Variants in VPS13C observed in about 807,000 individuals in gnomAD.
VPS13C encodes the protein vacuolar protein sorting 13 homolog C, also known as intermembrane lipid transfer protein VPS13C.
A neutral mutation model predicts 456.8 loss-of-function variants in VPS13C; 358 were observed. The ratio of observed to expected loss-of-function variants is 0.78; its 90% confidence interval spans 0.72 to 0.86. The LOEUF (loss-of-function observed/expected upper bound fraction) is 0.86, where lower values mean the gene tolerates loss of function less well. VPS13C is among the 40% of genes least tolerant of loss of function. The pLI is 0.00. For missense variants in VPS13C, 4,818 were observed against 4,385.4 expected (o/e 1.10, Z -2.79); for synonymous variants, 1,578 against 1,486.7 (o/e 1.06, Z -1.41).
chr15:61,952,881 TA>T (rs895144442), intron 38 of VPS13C, among the ~76,000 whole-genome samples: 35 of 149,238 alleles, frequency 2.3e-4, no homozygotes, highest in East Asian at 9.8e-4. Flanking sequence ...ACTGACTAAT[TA>T]AAAAAAAAAT....
chr15:62,017,255 A>C lies in VPS13C; in HGVS notation c.684+3224T>G, dbSNP rs1465313300. Among the ~76,000 whole-genome samples, 23 of 152,210 alleles carry C rather than the reference A, an allele frequency of 1.5e-4. No individual in the cohort carries two copies. The East Asian group carries it at 3.1e-3, about 20-fold the overall frequency. On this transcript the variant is annotated intron_variant, in intron 9 of 84. Coordinates refer to ENST00000644861, the MANE Select transcript of VPS13C (RefSeq NM_020821.3). ...TAGGTTGCCTATTCACTCTGATGAT[A>C]GTTTCTTTTGCTGTGCAGAAGCTCT...
intron 16 of VPS13C, among the ~76,000 whole-genome samples, chr15:61,998,016 G>A (rs752918550): frequency 5.3e-5 from 8 of 152,172 alleles, no homozygotes; most frequent in South Asian, 4.2e-4. Context: ...CAACTCCCAC[G>A]AGCAGCCCTC....
At chr15:62,018,106 A>G (rs1448064946) in intron 9 of VPS13C, among the ~76,000 whole-genome samples, 2 of 152,058 alleles carry the variant, frequency 1.3e-5, no homozygotes, top group African/African-American at 4.8e-5. Context: ...TTGGTGTATA[A>G]GAATGCTTGT....
chr15:61,903,854 A>G (rs192817465), intron 66 of VPS13C, among the ~76,000 whole-genome samples: 22 of 152,300 alleles, frequency 1.4e-4, no homozygotes, highest in Admixed American at 1.4e-3. Flanking sequence ...CATCTTCAAC[A>G]AAGGCGGCAA....
At chr15:61,982,699 C>A in intron 20 of VPS13C, 126 bp from the exon 21 acceptor site, 1 of 604,298 alleles carries the variant, frequency 1.7e-6, no homozygotes, top group Non-Finnish European at 2.8e-6. Context: ...GATATTCTGT[C>A]CTACTACATC....
At chr15:61,898,574 C>G (rs1173297396) in intron 66 of VPS13C, among the ~76,000 whole-genome samples, 1 of 151,788 alleles carries the variant, frequency 6.6e-6, no homozygotes, top group Non-Finnish European at 1.5e-5. Context: ...ATATATGCAC[C>G]CAACACAGGA....
chr15:61,860,646 T>C (rs1566952007), intron 82 of VPS13C, among the ~76,000 whole-genome samples: 1 of 152,192 alleles, frequency 6.6e-6, no homozygotes, highest in Non-Finnish European at 1.5e-5. Flanking sequence ...TGTCAAAGAA[T>C]ATTTAATGCT....
intron 74 of VPS13C, among the ~76,000 whole-genome samples, chr15:61,878,192 A>G (rs1435638418): frequency 6.6e-6 from 1 of 150,942 alleles, no homozygotes; most frequent in Non-Finnish European, 1.5e-5. Flanking sequence ...AATGATCTAC[A>G]GGGAATTTTT....
intron 53 of VPS13C, among the ~76,000 whole-genome samples, chr15:61,923,291 C>T (rs2043722929): frequency 1.3e-5 from 2 of 151,926 alleles, no homozygotes; most frequent in Admixed American, 1.3e-4. Context: ...CTTTGACTTA[C>T]CCCAAGATCT....
chr15:62,006,100 ATT>A (rs35752161), intron 15 of VPS13C, among the ~76,000 whole-genome samples: 2 of 113,028 alleles, frequency 1.8e-5, no homozygotes, highest in Non-Finnish European at 2.0e-5. Context: ...AGAAATTCTT[ATT>A]TTTTTTTTAT....
At chr15:61,893,008 A>C (rs904391473) in intron 66 of VPS13C, among the ~76,000 whole-genome samples, 1 of 152,230 alleles carries the variant, frequency 6.6e-6, no homozygotes, top group Non-Finnish European at 1.5e-5. Context: ...AAAAGAGCAA[A>C]TCTAAGAGTC....
At chr15:61,929,051 A>G (rs1042863500) in intron 51 of VPS13C, among the ~76,000 whole-genome samples, 7 of 152,198 alleles carry the variant, frequency 4.6e-5, no homozygotes, top group African/African-American at 1.7e-4. Context: ...TAGACCAGAC[A>G]TTTGCAAACT....
chr15:61,929,070 G>T (rs1176021554), intron 51 of VPS13C, among the ~76,000 whole-genome samples: 1 of 152,192 alleles, frequency 6.6e-6, no homozygotes, highest in African/African-American at 2.4e-5. Flanking sequence ...CTCTTCCACA[G>T]AGTTTAAGGA....
At chr15:61,868,034 G>T (rs965943058) in intron 81 of VPS13C, 4 of 905,500 alleles carry the variant, frequency 4.4e-6, no homozygotes, top group Non-Finnish European at 3.5e-6. Flanking sequence ...AAAACCAAAG[G>T]AAGAACAATT....
Position 61,917,420 on chromosome 15 carries a change from T to A in VPS13C, c.7976A>T (p.Asp2659Val). The change falls in exon 60 of 85, where the codon GAT (aspartate) becomes GTT (valine). Residue 2659 changes from aspartate (D) to valine (V), a missense_variant. Physicochemically the swap from Asp to Val is radical, Grantham distance 152. Around this residue, in one of 3 missense-constraint regions of VPS13C, gnomAD observed 4,552 missense variants for 4,130.6 expected, o/e 1.10. Coordinates refer to ENST00000644861, the MANE Select transcript of VPS13C (RefSeq NM_020821.3). ...SYICTHGEDW[D>V]VAYIIHLYPS... ...ATAAAGATGAATAATGTAAGCTACA[T>A]CCCAGTCTTCCCCATGTGTACATAT... The A allele has an allele frequency of 6.2e-7, 1 of 1,613,966 alleles. No individual in the cohort carries two copies. The highest frequency in any genetic ancestry group is 8.5e-7 in the Non-Finnish European group (1 of 1,179,888).
At chr15:62,030,710 G>A (rs1348619114) in intron 5 of VPS13C, among the ~76,000 whole-genome samples, 1 of 151,992 alleles carries the variant, frequency 6.6e-6, no homozygotes, top group Non-Finnish European at 1.5e-5. Context: ...GGAGAATTCA[G>A]GGTGCAAGGA....
At chr15:61,918,061 A>G in intron 59 of VPS13C, 75 bp downstream of exon 59, 1 of 1,447,234 alleles carries the variant, frequency 6.9e-7, no homozygotes, top group Non-Finnish European at 9.3e-7. Context: ...GTTAATAAAA[A>G]TATGAAGTTA....
At chr15:61,865,648 G>T in intron 81 of VPS13C, 1 of 376,480 alleles carries the variant, frequency 2.7e-6, no homozygotes, top group Non-Finnish European at 3.6e-6. Flanking sequence ...TTGTATGTGT[G>T]TATATATATG....
intron 81 of VPS13C, 47 bp from the exon 82 acceptor site, chr15:61,863,575 T>C: frequency 7.4e-7 from 1 of 1,356,714 alleles, no homozygotes; most frequent in Non-Finnish European, 1.1e-6. Flanking sequence ...TGCATTTAAG[T>C]AGTATTTACA....
Sources: allele counts gnomAD v4.1 joint callset (sites outside exome capture counted in the v4.1 genomes callset), GRCh38; gene constraint gnomAD v4.1.1; regional missense constraint gnomAD v4.1.1; transcripts MANE v1.5; gene names NCBI Gene and HGNC (gene_info 2026-07-23, HGNC 2026-07-21).